ADAM10: variants seen among roughly 807,000 people sequenced by gnomAD.
ADAM10 encodes the protein ADAM metallopeptidase domain 10, also known as disintegrin and metalloproteinase domain-containing protein 10.
ADAM10 carries 17 observed loss-of-function variants against 90.1 expected under a neutral mutation model. The observed-to-expected ratio is 0.19, with a 90% CI of 0.13 to 0.28. The LOEUF is 0.28. ADAM10 is among the 10% of genes least tolerant of loss of function. The pLI is 1.00. For synonymous variants in ADAM10, 310 were observed against 298.6 expected (o/e 1.04, Z -0.40); for missense variants, 610 against 914.3 (o/e 0.67, Z 4.29).
chr15:58,611,309 T>G (rs968882110), intron 12 of ADAM10: 1 of 555,534 alleles, frequency 1.8e-6, no homozygotes, highest in East Asian at 3.1e-5. Flanking sequence ...CCAAGAAAGA[T>G]AGTAAATCTT....
intron 2 of ADAM10, among the ~76,000 whole-genome samples, chr15:58,713,869 G>C (rs1242885799): frequency 6.6e-6 from 1 of 151,262 alleles, no homozygotes; most frequent in African/African-American, 2.4e-5. Context: ...CTGGACTGCA[G>C]TGGCGTGATC....
At chr15:58,673,794 G>C (rs1897252301) in intron 4 of ADAM10, among the ~76,000 whole-genome samples, 1 of 151,618 alleles carries the variant, frequency 6.6e-6, no homozygotes, top group South Asian at 2.1e-4. Flanking sequence ...GAGTGCAGTG[G>C]CATGATCTCG....
intron 5 of ADAM10, among the ~76,000 whole-genome samples, chr15:58,651,451 T>A (rs144290147): frequency 6.6e-6 from 1 of 152,160 alleles, no homozygotes; most frequent in Non-Finnish European, 1.5e-5. Flanking sequence ...CTACTCTCTA[T>A]CTCCATGAGT....
chr15:58,683,588 G>A (rs1406170898), intron 2 of ADAM10, among the ~76,000 whole-genome samples: 2 of 152,094 alleles, frequency 1.3e-5, no homozygotes, highest in African/African-American at 2.4e-5. Flanking sequence ...TAAGCCAGGT[G>A]CAGTGGCTCA....
intron 2 of ADAM10, chr15:58,692,248 T>A: frequency 1.7e-6 from 1 of 598,044 alleles, no homozygotes; most frequent in Non-Finnish European, 3.3e-6. Flanking sequence ...TACAGGGAAT[T>A]GCTTGACTGC....
intron 2 of ADAM10, among the ~76,000 whole-genome samples, chr15:58,697,640 G>A (rs1390109560): frequency 1.3e-5 from 2 of 152,102 alleles, no homozygotes; most frequent in Admixed American, 6.5e-5. Flanking sequence ...GGAAACAGAG[G>A]GTTTTCCCAC....
At chr15:58,708,524 A>G (rs2140802160) in intron 2 of ADAM10, among the ~76,000 whole-genome samples, 1 of 152,200 alleles carries the variant, frequency 6.6e-6, no homozygotes, top group South Asian at 2.1e-4. Flanking sequence ...TTAGCCGAGC[A>G]TAATGGCACA....
At position 58,596,290 on chromosome 15, in the gene ADAM10, T is replaced by C. The variant is rs1044172828; in HGVS notation, c.*1257A>G. On this transcript the variant is annotated 3_prime_UTR_variant, in exon 16 of 16. Coordinates refer to ENST00000260408, the MANE Select transcript of ADAM10 (RefSeq NM_001110.4). ...TCCTGCATAGCAATAAGCCTGTTAA[T>C]ACATTAAATGTTTTTGCTTTCTCTT... is the stretch of plus-strand genomic sequence containing the variant. 2 of 152,544 alleles carry C rather than the reference T, an allele frequency of 1.3e-5. No individual in the cohort carries two copies. The highest frequency in any genetic ancestry group is 2.1e-4 in the South Asian group (1 of 4,832). 9.4% of individuals were successfully genotyped at this position (152,544 alleles called of 1,614,324 possible).
intron 4 of ADAM10, among the ~76,000 whole-genome samples, chr15:58,674,811 C>T (rs1897274548): frequency 6.6e-6 from 1 of 152,008 alleles, no homozygotes; most frequent in South Asian, 2.1e-4. Flanking sequence ...GAGGTCTTCC[C>T]ATTGAAGCAC....
intron 3 of ADAM10, among the ~76,000 whole-genome samples, chr15:58,680,388 G>C (rs1434235606): frequency 6.6e-6 from 1 of 152,122 alleles, no homozygotes; most frequent in Admixed American, 6.5e-5. Flanking sequence ...CTCCTAAAGT[G>C]CTGGGATTAC....
chr15:58,610,182 A>G, intron 14 of ADAM10, 115 bp downstream of exon 14: 1 of 830,992 alleles, frequency 1.2e-6, no homozygotes, highest in Non-Finnish European at 2.0e-6. Context: ...CTTCATATAA[A>G]GTAATTCTAA....
chr15:58,613,880 C>A (rs1273030123), intron 11 of ADAM10, among the ~76,000 whole-genome samples: 1 of 152,166 alleles, frequency 6.6e-6, no homozygotes, highest in African/African-American at 2.4e-5. Flanking sequence ...CTTTGGGAGG[C>A]TGAGGTGGGA....
chr15:58,612,235 C>T (rs777388322), intron 11 of ADAM10, among the ~76,000 whole-genome samples: 1 of 152,168 alleles, frequency 6.6e-6, no homozygotes, highest in South Asian at 2.1e-4. Context: ...CCTGGGCCTA[C>T]ACAGAAAAGT....
chr15:58,630,737 A>T (rs569110894), intron 9 of ADAM10, among the ~76,000 whole-genome samples: 1 of 152,230 alleles, frequency 6.6e-6, no homozygotes, highest in Non-Finnish European at 1.5e-5. Flanking sequence ...CTACAAACGT[A>T]TAAGAGAGAA....
At chr15:58,703,481 G>A (rs1057159643) in intron 2 of ADAM10, among the ~76,000 whole-genome samples, 21 of 152,040 alleles carry the variant, frequency 1.4e-4, no homozygotes, top group African/African-American at 4.8e-4. Context: ...TTTAAAGTAT[G>A]TATGTATACA....
rs1273175333 is a variant in ADAM10 at position 58,633,252 on chromosome 15, G to C, written c.1120C>G (p.Pro374Ala). Residue 374 changes from proline to alanine, a missense_variant, in exon 9 of 16, where the codon CCC becomes GCC. Around this residue, in one of 4 missense-constraint regions of ADAM10, gnomAD observed 97 missense variants for 221.4 expected, o/e 0.44. Transcript: ENST00000260408. ...GCAAAAGTAATGTGAGAGACTTTGG[G>C]AGGTACATGAGACCCATAGTTCTGA... The part of the protein sequence containing the change: ...TVQNYGSHVP[P>A]KVSHITFAHE... The C allele has an allele frequency of 9.3e-6, 15 of 1,613,352 alleles. No individual in the cohort carries two copies. The highest frequency in any genetic ancestry group is 1.2e-5 in the Non-Finnish European group (14 of 1,179,574).
intron 5 of ADAM10, among the ~76,000 whole-genome samples, chr15:58,656,396 T>C (rs1362384013): frequency 6.6e-6 from 1 of 152,116 alleles, no homozygotes; most frequent in Non-Finnish European, 1.5e-5. Context: ...CTCTTCCTTC[T>C]TTCCTTCCTG....
intron 2 of ADAM10, among the ~76,000 whole-genome samples, chr15:58,712,614 T>C (rs1480501417): frequency 2.0e-5 from 3 of 149,000 alleles, no homozygotes; most frequent in African/African-American, 7.4e-5. Flanking sequence ...GGTCAGGAGA[T>C]CAAGACCATC....
At chr15:58,621,979 A>G (rs1454653248) in intron 10 of ADAM10, among the ~76,000 whole-genome samples, 1 of 152,200 alleles carries the variant, frequency 6.6e-6, no homozygotes, top group Non-Finnish European at 1.5e-5. Flanking sequence ...CCAGGAAAAA[A>G]AAAAATTAAG....
Sources: gnomAD v4.1 joint callset for allele counts (sites outside exome capture counted in the v4.1 genomes callset) on GRCh38, gnomAD v4.1.1 for gene constraint, gnomAD v4.1.1 regional missense constraint, MANE v1.5 for transcripts, NCBI Gene and HGNC (gene_info 2026-07-23, HGNC 2026-07-21) for gene names.